Variants in KRT19 observed in about 807,000 individuals in gnomAD.
KRT19 encodes the protein keratin, type I cytoskeletal 19.
KRT19 carries 21 observed loss-of-function variants against 34.6 expected under a neutral mutation model. The ratio of observed to expected loss-of-function variants is 0.61; its 90% CI spans 0.43 to 0.87. The LOEUF (loss-of-function observed/expected upper bound fraction) is 0.87, where lower values mean the gene tolerates loss of function less well. Among genes scored for constraint, KRT19 ranks in the 40% least tolerant of loss-of-function variants. The pLI, the probability that KRT19 is intolerant of heterozygous loss-of-function variation, is 0.00. For missense variants in KRT19, 514 were observed against 545.7 expected (o/e 0.94, Z 0.58); for synonymous variants, 240 against 245.8 (o/e 0.98, Z 0.22).
chr17:41,526,227 G>A (rs188047981), intron 1 of KRT19, among the ~76,000 whole-genome samples: 153 of 152,202 alleles, frequency 1.0e-3, no homozygotes, highest in Non-Finnish European at 1.7e-3. Context: ...GCCCGCCTCC[G>A]CCTCCCAAAG....
chr17:41,528,255 C>T lies in KRT19; in HGVS notation c.-8G>A. ...ATAGCTGTAGGAAGTCATGGCGAGG[C>T]GGAGCACGGACGGAGCAACCCTGGT... On this transcript the variant is annotated 5_prime_UTR_variant, in exon 1 of 6. Coordinates refer to ENST00000361566, the MANE Select transcript of KRT19 (RefSeq NM_002276.5). 1 of 1,545,308 alleles carries T rather than the reference C, an allele frequency of 6.5e-7. No homozygotes were observed. The highest frequency in any genetic ancestry group is 2.3e-5 in the East Asian group (1 of 44,226).
intron 5 of KRT19, 26 bp from the exon 6 acceptor site, chr17:41,524,023 A>G: frequency 6.2e-7 from 1 of 1,604,662 alleles, no homozygotes; most frequent in Non-Finnish European, 8.5e-7. Flanking sequence ...GGGGGTTGTG[A>G]CTCAGCAGAG....
intron 1 of KRT19, among the ~76,000 whole-genome samples, chr17:41,527,173 C>CAGATCCGTTCTTTCCCT (rs79648328): frequency 6.6e-6 from 1 of 152,170 alleles, no homozygotes; most frequent in African/African-American, 2.4e-5. Flanking sequence ...GTTCTTTCCC[C>CAGATCCGTTCTTTCCCT]GACAAGGAGC....
intron 1 of KRT19, 113 bp downstream of exon 1, chr17:41,527,715 C>T: frequency 8.3e-7 from 1 of 1,203,794 alleles, no homozygotes. Flanking sequence ...TGTGGACCTT[C>T]CCACGTCCTA....
At position 41,528,261 on chromosome 17, in the gene KRT19, A is replaced by T; in HGVS notation, c.-14T>A. ...GTAGGAAGTCATGGCGAGGCGGAGC[A>T]CGGACGGAGCAACCCTGGTCTCAGA... On this transcript the variant is annotated 5_prime_UTR_variant, in exon 1 of 6. Transcript: ENST00000361566. 6.5e-7 allele frequency: 1 copy of T among 1,541,516 alleles called. No homozygotes were observed. Among genetic ancestry groups the T allele is most frequent in the Non-Finnish European group, 8.7e-7 (1 of 1,153,456 alleles).
intron 4 of KRT19, 51 bp downstream of exon 4, chr17:41,524,328 A>C (rs1869719): frequency 0.99 from 1,602,522 of 1,611,278 alleles, 797,309 homozygotes; most frequent in East Asian, 1. Flanking sequence ...TAGGGAACAC[A>C]AAGCCCTCCC....
chr17:41,525,091 G>T (rs1403800087), intron 2 of KRT19, 92 bp from the exon 3 acceptor site: 5 of 1,575,518 alleles, frequency 3.2e-6, no homozygotes, highest in Middle Eastern at 1.7e-4. Flanking sequence ...CCATAGGGGG[G>T]TTAGCTTCAG....
chr17:41,525,956 G>A lies in KRT19; in HGVS notation c.421-683C>T, dbSNP rs182582691. Among the ~76,000 whole-genome samples, 93 of 152,162 alleles carry A rather than the reference G, an allele frequency of 6.1e-4. No homozygotes were observed. In the East Asian group the frequency reaches 0.017, roughly 27 times the overall value. Reference sequence around the variant, plus strand: ...TGATTGTATAGTTTTGTGTTTTGGGGGGGTTTTTTGGTTTTGTTTTTTGGG... The same window carrying A: ...TGATTGTATAGTTTTGTGTTTTGGGAGGGTTTTTTGGTTTTGTTTTTTGGG... On this transcript the variant is annotated intron_variant, in intron 1 of 5. Transcript: ENST00000361566.
chr17:41,524,978 C>T lies in KRT19; in HGVS notation c.525G>A (p.Leu175=), dbSNP rs763257037. 4.3e-5 allele frequency: 70 copies of T among 1,614,088 alleles called. No homozygotes were observed. The highest frequency in any genetic ancestry group is 5.5e-5 in the Non-Finnish European group (65 of 1,180,012). The change falls in exon 3 of 6, where the codon CTG becomes CTA. Residue 175 remains leucine, a synonymous_variant. Transcript: ENST00000361566. ...TGATGTCGGCCTCCACGCTCATGCG[C>T]AGAGCCTGTTCCGTCTCAAACCTTT... ...FRTKFETEQA[L]RMSVEADING...
chr17:41,525,300 C>A, intron 1 of KRT19, 27 bp from the exon 2 acceptor site: 1 of 1,526,972 alleles, frequency 6.5e-7, no homozygotes, highest in Non-Finnish European at 9.1e-7. Context: ...GAGGTTGGTA[C>A]CAGTTCAACA....
chr17:41,524,254 G>A lies in KRT19; in HGVS notation c.837C>T (p.Asn279=). 1.9e-6 allele frequency: 3 copies of A among 1,614,016 alleles called. No individual in the cohort carries two copies. Among genetic ancestry groups the A allele is most frequent in the Non-Finnish European group, 1.7e-6 (2 of 1,179,980 alleles). Residue 279 remains asparagine, a synonymous_variant, in exon 5 of 6, where the codon AAC becomes AAT. Coordinates refer to ENST00000361566, the MANE Select transcript of KRT19 (RefSeq NM_002276.5). ...AWFTSRTEEL[N]REVAGHTEQL... is the part of the protein sequence containing the mutation. ...GCTCCGTGTGGCCAGCGACCTCCCG[G>A]TTCAATTCTTCAGTCTGCAGAGAGA...
At chr17:41,525,565 T>G in intron 1 of KRT19, 3 of 395,860 alleles carry the variant, frequency 7.6e-6, no homozygotes, top group East Asian at 1.0e-4. Context: ...AAACTCTAAA[T>G]GGCCTGAAGG....
chr17:41,524,240 C>T lies in KRT19; in HGVS notation c.851G>A (p.Gly284Asp), dbSNP rs1205025574. 3.7e-6 allele frequency: 6 copies of T among 1,613,892 alleles called. No individual in the cohort carries two copies. Among genetic ancestry groups the T allele is most frequent in the Non-Finnish European group, 5.1e-6 (6 of 1,179,980 alleles). ...RTEELNREVA[G>D]HTEQLQMSRS... ...GCTCATCTGGAGCTGCTCCGTGTGG[C>T]CAGCGACCTCCCGGTTCAATTCTTC... Residue 284 changes from glycine to aspartate, a missense_variant, in exon 5 of 6, where the codon GGC (glycine) becomes GAC (aspartate). Transcript: ENST00000361566.
chr17:41,523,707 C>T lies in KRT19; in HGVS notation c.*36G>A. 6.2e-7 allele frequency: 1 copy of T among 1,608,868 alleles called. No individual in the cohort carries two copies. The highest frequency in any genetic ancestry group is 8.5e-7 in the Non-Finnish European group (1 of 1,176,086). On this transcript the variant is annotated 3_prime_UTR_variant, in exon 6 of 6. Transcript: ENST00000361566. ...CCCATCCCTCTACCCAGAAGACACC[C>T]TCCAAAGGACAGCAGAAGCCCCAGA... is the stretch of plus-strand genomic sequence containing the variant.
Position 41,525,280 on chromosome 17 carries a change from G to A in KRT19, c.421-7C>T, listed in dbSNP as rs1442182350. 5 of 1,605,272 alleles carry A rather than the reference G, an allele frequency of 3.1e-6. No individual in the cohort carries two copies. Among genetic ancestry groups the A allele is most frequent in the Non-Finnish European group, 4.3e-6 (5 of 1,172,048 alleles). ...CAATGGTGGCACCAAGAATCTGGAAGGCAGAGGCAGAGGTTGGTACCAGTT... is the reference window on the plus strand; with the variant it reads ...CAATGGTGGCACCAAGAATCTGGAAAGCAGAGGCAGAGGTTGGTACCAGTT... On this transcript the variant is annotated splice_polypyrimidine_tract_variant and splice_region_variant and intron_variant, in intron 1 of 5. Coordinates refer to ENST00000361566, the MANE Select transcript of KRT19 (RefSeq NM_002276.5).
In KRT19 at chr17:41,528,129, G is replaced by A; in HGVS notation, c.119C>T (p.Ser40Phe). The change falls in exon 1 of 6, where the codon TCC becomes TTC. Residue 40 changes from serine to phenylalanine, a missense_variant. Physicochemically the swap from Ser to Phe is radical, Grantham distance 155. Coordinates refer to ENST00000361566, the MANE Select transcript of KRT19 (RefSeq NM_002276.5). ...GGACACGGATACGCCGCGGCCGCCGGAGCCCCCGTGAATGCTGGGCGCGCG... is the reference window on the plus strand; with the variant it reads ...GGACACGGATACGCCGCGGCCGCCGAAGCCCCCGTGAATGCTGGGCGCGCG... The part of the protein sequence containing the change: ...AFRAPSIHGG[S>F]GGRGVSVSSA... 1.9e-6 allele frequency: 3 copies of A among 1,604,934 alleles called. No homozygotes were observed. Among genetic ancestry groups the A allele is most frequent in the Non-Finnish European group, 1.7e-6 (2 of 1,177,784 alleles).
In KRT19 at chr17:41,527,855, G is replaced by A. The variant is rs779247294; in HGVS notation, c.393C>T (p.Tyr131=). The part of the protein sequence containing the change: ...PGPSRDYSHY[Y]TTIQDLRDKI... ...TGTCCCGCAGGTCCTGGATGGTCGT[G>A]TAGTAGTGGCTGTAGTCGCGGGAGG... Residue 131 remains tyrosine, a synonymous_variant, in exon 1 of 6, where the codon TAC becomes TAT. Coordinates refer to ENST00000361566, the MANE Select transcript of KRT19 (RefSeq NM_002276.5). 20 of 1,611,296 alleles carry A rather than the reference G, an allele frequency of 1.2e-5. No individual in the cohort carries two copies. The East Asian group carries it at 4.0e-4, about 32-fold the overall frequency.
intron 2 of KRT19, 80 bp downstream of exon 2, chr17:41,525,111 G>T: frequency 6.4e-7 from 1 of 1,558,238 alleles, no homozygotes; most frequent in Non-Finnish European, 8.9e-7. Context: ...GGCCATCTAG[G>T]CTAGGTGAGG....
chr17:41,525,484 CA>C (rs1905831848), intron 1 of KRT19: 2 of 561,708 alleles, frequency 3.6e-6, no homozygotes, highest in Non-Finnish European at 6.4e-6. Flanking sequence ...AAACTGGAGC[CA>C]GGGGGACTTG....
Sources: gnomAD v4.1 joint callset for allele counts (sites outside exome capture counted in the v4.1 genomes callset) on GRCh38, gnomAD v4.1.1 for gene constraint, MANE v1.5 for transcripts, NCBI Gene and HGNC (gene_info 2026-07-23, HGNC 2026-07-21) for gene names.